IMMP2L: variants seen among roughly 807,000 people sequenced by gnomAD.
IMMP2L encodes the protein mitochondrial inner membrane protease subunit 2.
Under a neutral mutation model 19.3 loss-of-function variants are expected in IMMP2L, and 18 were observed. The observed-to-expected ratio is 0.93, with a 90% CI of 0.64 to 1.38. IMMP2L has a LOEUF of 1.38. Among genes scored for constraint, IMMP2L ranks in the 40% most tolerant of loss-of-function variants. The pLI is 0.00. For synonymous variants in IMMP2L, 76 were observed against 73.0 expected (o/e 1.04, Z -0.21); for missense variants, 233 against 218.2 (o/e 1.07, Z -0.43).
chr7:111,383,297 C>T lies in IMMP2L; in HGVS notation c.239+103941G>A, dbSNP rs116342562. Among the ~76,000 whole-genome samples, 1,364 of 152,216 alleles carry T rather than the reference C, an allele frequency of 9.0e-3. 26 individuals are homozygous for T. Among genetic ancestry groups the T allele is most frequent in the African/African-American group, 0.031 (1,308 of 41,552 alleles). On this transcript the variant is annotated intron_variant, in intron 3 of 5. Coordinates refer to ENST00000405709, the MANE Select transcript of IMMP2L (RefSeq NM_032549.4). ...AGTTATTGTGCTTTAAAGAAATGAG[C>T]CCAGATTCCCCGGACTTCTACTCTG...
intron 5 of IMMP2L, among the ~76,000 whole-genome samples, chr7:110,720,283 G>A (rs1795486455): frequency 6.6e-6 from 1 of 152,180 alleles, no homozygotes; most frequent in Non-Finnish European, 1.5e-5. Flanking sequence ...ATTTATTCTA[G>A]AAAGTCAGCT....
chr7:111,211,854 G>A (rs1164304398), intron 3 of IMMP2L, among the ~76,000 whole-genome samples: 2 of 152,102 alleles, frequency 1.3e-5, no homozygotes, highest in East Asian at 1.9e-4. Context: ...AAAATTAGCC[G>A]GGCATCGTGG....
intron 5 of IMMP2L, among the ~76,000 whole-genome samples, chr7:110,871,609 T>C (rs1808544608): frequency 6.6e-6 from 1 of 152,012 alleles, no homozygotes; most frequent in African/African-American, 2.4e-5. Context: ...ACCAAATAAA[T>C]GAGTAATCTT....
chr7:111,142,840 C>G (rs371040275), intron 3 of IMMP2L, among the ~76,000 whole-genome samples: 25 of 152,152 alleles, frequency 1.6e-4, no homozygotes, highest in Non-Finnish European at 3.1e-4. Context: ...ACAACTCTCA[C>G]GGTCCCAAAA....
chr7:111,034,685 C>T (rs1008099846), intron 3 of IMMP2L, among the ~76,000 whole-genome samples: 4 of 151,956 alleles, frequency 2.6e-5, no homozygotes, highest in Admixed American at 1.3e-4. Context: ...TATTTTATGT[C>T]TAATAATTTC....
chr7:111,370,992 T>G (rs1830213888), intron 3 of IMMP2L, among the ~76,000 whole-genome samples: 1 of 151,952 alleles, frequency 6.6e-6, no homozygotes, highest in African/African-American at 2.4e-5. Context: ...CATCACTGTT[T>G]GAAAACTGAT....
intron 3 of IMMP2L, among the ~76,000 whole-genome samples, chr7:111,380,259 T>C (rs1048117236): frequency 6.6e-6 from 1 of 151,944 alleles, no homozygotes; most frequent in African/African-American, 2.4e-5. Flanking sequence ...ACCCTCTATA[T>C]TCAAAGTTAG....
intron 3 of IMMP2L, among the ~76,000 whole-genome samples, chr7:111,271,657 C>T (rs1818482988): frequency 6.6e-6 from 1 of 152,070 alleles, no homozygotes; most frequent in Non-Finnish European, 1.5e-5. Flanking sequence ...CACATTTTGA[C>T]AATCAGTGGC....
chr7:110,813,142 G>A (rs1278470649), intron 5 of IMMP2L, among the ~76,000 whole-genome samples: 1 of 151,804 alleles, frequency 6.6e-6, no homozygotes, highest in Non-Finnish European at 1.5e-5. Context: ...TAAAATCAAA[G>A]GATATAGAAT....
At chr7:110,903,716 T>G (rs1207536936) in intron 4 of IMMP2L, among the ~76,000 whole-genome samples, 5 of 152,176 alleles carry the variant, frequency 3.3e-5, no homozygotes, top group Non-Finnish European at 4.4e-5. Context: ...AAAATGAGCA[T>G]AGGAGTGCAT....
intron 4 of IMMP2L, among the ~76,000 whole-genome samples, chr7:110,946,344 C>T (rs548493922): frequency 6.6e-6 from 1 of 152,190 alleles, no homozygotes; most frequent in East Asian, 1.9e-4. Context: ...TATATATGGT[C>T]CTCTACAATA....
At chr7:110,965,797 C>T (rs1397537685) in intron 3 of IMMP2L, among the ~76,000 whole-genome samples, 2 of 151,914 alleles carry the variant, frequency 1.3e-5, no homozygotes, top group African/African-American at 4.8e-5. Context: ...AGATGTACTA[C>T]TAATAATAAA....
intron 3 of IMMP2L, among the ~76,000 whole-genome samples, chr7:111,223,515 T>C (rs1812746566): frequency 6.6e-6 from 1 of 152,152 alleles, no homozygotes; most frequent in African/African-American, 2.4e-5. Flanking sequence ...TGTTATAATA[T>C]GCAACCATCT....
intron 3 of IMMP2L, among the ~76,000 whole-genome samples, chr7:111,056,593 T>C (rs1214698874): frequency 1.3e-5 from 2 of 152,230 alleles, no homozygotes; most frequent in African/African-American, 2.4e-5. Context: ...CAGAAATCCA[T>C]GTATAACTTT....
intron 3 of IMMP2L, chr7:111,125,470 T>C (rs1472028720): frequency 6.0e-6 from 1 of 167,040 alleles, no homozygotes; most frequent in Admixed American, 6.5e-5. Context: ...TCTGATCAGA[T>C]ATCATTTAAA....
chr7:111,401,929 T>C (rs1164517483), intron 3 of IMMP2L, among the ~76,000 whole-genome samples: 1 of 151,864 alleles, frequency 6.6e-6, no homozygotes, highest in Non-Finnish European at 1.5e-5. Flanking sequence ...CTGTTTATCA[T>C]GTTATAAATT....
At chr7:111,033,986 G>A (rs1791087578) in intron 3 of IMMP2L, among the ~76,000 whole-genome samples, 1 of 152,178 alleles carries the variant, frequency 6.6e-6, no homozygotes, top group Admixed American at 6.5e-5. Flanking sequence ...TAGTTGCCAG[G>A]TGGTAGGTGT....
intron 3 of IMMP2L, among the ~76,000 whole-genome samples, chr7:111,470,756 A>G (rs1194394632): frequency 6.7e-6 from 1 of 149,472 alleles, no homozygotes; most frequent in East Asian, 2.0e-4. Context: ...GGATAGCATT[A>G]GGAGATATAC....
chr7:110,681,092 G>T (rs1193225505), intron 5 of IMMP2L, among the ~76,000 whole-genome samples: 2 of 151,962 alleles, frequency 1.3e-5, no homozygotes, highest in Admixed American at 6.6e-5. Context: ...ATGGGTTTGG[G>T]TTGGTAGGCT....
Sources: gnomAD v4.1 joint callset for allele counts (sites outside exome capture counted in the v4.1 genomes callset) on GRCh38, gnomAD v4.1.1 for gene constraint, MANE v1.5 for transcripts, NCBI Gene and HGNC (gene_info 2026-07-23, HGNC 2026-07-21) for gene names.